Variants in SCTR observed in about 807,000 individuals in gnomAD.
SCTR encodes pancreatic secretin receptor.
Under a neutral mutation model 60.8 loss-of-function variants are expected in SCTR, and 56 were observed. The ratio of observed to expected loss-of-function variants is 0.92; its 90% CI spans 0.74 to 1.15. SCTR has a LOEUF of 1.15. SCTR is among the 50% of genes most tolerant of loss of function. The probability of loss-of-function intolerance (pLI) is 0.00; values close to 1 mark genes in which losing one functional copy is unlikely to be tolerated. For missense variants in SCTR, 562 were observed against 550.4 expected, an observed-to-expected ratio of 1.02 and a Z score of -0.21; for synonymous variants, 202 against 217.0, an observed-to-expected ratio of 0.93 and a Z score of 0.61.
chr2:119,468,399 C>A (rs1306544290), intron 4 of SCTR, among the ~76,000 whole-genome samples: 1 of 152,170 alleles, frequency 6.6e-6, no homozygotes, highest in Non-Finnish European at 1.5e-5. Context: ...GGGTTCCAAA[C>A]CCGGACTGTG....
In SCTR at chr2:119,478,794, A is replaced by C. The variant is rs1159671233; in HGVS notation, c.301+17T>G. Reference sequence around the variant, plus strand: ...CCCCTCAGCCTGTCCGCCAGGCCCCATGGGCCGAGTGGTTACCATTTCTGC... The same window carrying C: ...CCCCTCAGCCTGTCCGCCAGGCCCCCTGGGCCGAGTGGTTACCATTTCTGC... On this transcript the variant is annotated intron_variant, in intron 3 of 12. Coordinates refer to ENST00000019103, the MANE Select transcript of SCTR (RefSeq NM_002980.3). 1.9e-6 allele frequency: 3 copies of C among 1,613,536 alleles called. No individual in the cohort carries two copies.
chr2:119,486,767 T>A (rs902935344), intron 2 of SCTR: 15 of 152,112 alleles, frequency 9.9e-5, no homozygotes, highest in African/African-American at 3.6e-4. Flanking sequence ...AACTAAAAAT[T>A]TAAATTGCCT....
chr2:119,501,206 C>T (rs577044838), intron 1 of SCTR, among the ~76,000 whole-genome samples: 12 of 152,132 alleles, frequency 7.9e-5, no homozygotes, highest in South Asian at 2.1e-4. Flanking sequence ...GTCAGGAGAT[C>T]GAGACCATCC....
chr2:119,524,042 C>A (rs924210695), intron 1 of SCTR, 113 bp downstream of exon 1: 7 of 780,666 alleles, frequency 9.0e-6, no homozygotes, highest in Middle Eastern at 2.2e-4. Context: ...AGTCCCTATT[C>A]CTCATGGGAA....
At chr2:119,506,386 A>G (rs1678739808) in intron 1 of SCTR, among the ~76,000 whole-genome samples, 1 of 152,242 alleles carries the variant, frequency 6.6e-6, no homozygotes, top group African/African-American at 2.4e-5. Flanking sequence ...AAATATGCTG[A>G]ATGAAAAGAA....
At position 119,451,868 on chromosome 2, in the gene SCTR, G is replaced by A. The variant is rs72833270; in HGVS notation, c.921+142C>T. The A allele has an allele frequency of 9.8e-3, 6,202 of 630,602 alleles. 49 individuals are homozygous for A. Among genetic ancestry groups the A allele is most frequent in the Non-Finnish European group, 0.014 (4,680 of 340,838 alleles). 39.1% of individuals were successfully genotyped at this position (630,602 alleles called of 1,614,324 possible). A position where few individuals can be genotyped will look rare whatever the true frequency, so the allele number is the denominator to read the frequency against. ...GGGCAGAGCTTCCACACCCCACGCT[G>A]CTCACCAACCTCACAAACACTGTGG... On this transcript the variant is annotated intron_variant, in intron 9 of 12. Coordinates refer to ENST00000019103, the MANE Select transcript of SCTR (RefSeq NM_002980.3).
intron 2 of SCTR, among the ~76,000 whole-genome samples, chr2:119,488,884 C>G (rs1678003173): frequency 6.6e-6 from 1 of 152,184 alleles, no homozygotes; most frequent in Non-Finnish European, 1.5e-5. Flanking sequence ...CCCAAGAGCC[C>G]CATAAAGGAA....
chr2:119,487,057 T>C (rs952745068), intron 2 of SCTR: 1 of 152,046 alleles, frequency 6.6e-6, no homozygotes, highest in African/African-American at 2.4e-5. Context: ...ACACAAAAGG[T>C]CACATAGCAA....
chr2:119,485,286 T>C (rs979468980), intron 2 of SCTR, among the ~76,000 whole-genome samples: 4 of 152,184 alleles, frequency 2.6e-5, no homozygotes, highest in Admixed American at 2.6e-4. Flanking sequence ...TCCTGGTCTT[T>C]ATATTTGTGG....
intron 9 of SCTR, among the ~76,000 whole-genome samples, chr2:119,451,343 C>T (rs772702960): frequency 2.0e-5 from 3 of 152,182 alleles, no homozygotes; most frequent in Non-Finnish European, 4.4e-5. Context: ...GGACTCTACC[C>T]TGGCACAGAG....
intron 1 of SCTR, among the ~76,000 whole-genome samples, chr2:119,508,599 G>A (rs1678834750): frequency 2.6e-5 from 4 of 151,610 alleles, no homozygotes; most frequent in Admixed American, 2.6e-4. Context: ...TGTTGCTCAG[G>A]CTGGTTTTGA....
intron 7 of SCTR, 75 bp from the exon 8 acceptor site, chr2:119,453,422 T>C (rs1683251053): frequency 4.2e-6 from 5 of 1,179,700 alleles, no homozygotes; most frequent in South Asian, 1.2e-5. Context: ...AACAGGACAA[T>C]TGGTTACCCC....
Position 119,445,958 on chromosome 2 carries a change from G to A in SCTR, c.1140+801C>T, listed in dbSNP as rs78906159. 5.1e-4 allele frequency among the ~76,000 whole-genome samples: 78 copies of A among 152,212 alleles called. 1 individual carries two copies. The East Asian group carries it at 0.012, about 24-fold the overall frequency. On this transcript the variant is annotated intron_variant, in intron 11 of 12. Transcript: ENST00000019103. ...TCCTTTGTATGTTTTTCCCAAAAGC[G>A]ACATTGCATTATTTTTGGAAGGAAA... is the stretch of plus-strand genomic sequence containing the variant.
At position 119,461,944 on chromosome 2, in the gene SCTR, G is replaced by C. The variant is rs148548984; in HGVS notation, c.693C>G (p.Ser231=). ...LFQYCIMANY[S]WLLVEGLYLH... ...GGTAGAGGCCTTCCACCAGCAGCCA[G>C]GAGTAGTTGGCCATGATGCAGTACT... Residue 231 remains serine (S), a synonymous_variant, in exon 7 of 13, where the codon TCC becomes TCG. Transcript: ENST00000019103. The C allele has an allele frequency of 5.0e-6, 8 of 1,613,922 alleles. 1 individual carries two copies. In the Admixed American group the frequency reaches 5.0e-5, roughly 10 times the overall value.
At chr2:119,490,387 G>T (rs7573257) in intron 2 of SCTR, among the ~76,000 whole-genome samples, 3,586 of 152,288 alleles carry the variant, frequency 0.024, 131 homozygotes, top group African/African-American at 0.077. Context: ...GGCCGGGAGT[G>T]CTCCAGGCTG....
At chr2:119,479,071 C>T (rs576270219) in intron 2 of SCTR, 153 bp from the exon 3 acceptor site, 18 of 1,464,994 alleles carry the variant, frequency 1.2e-5, no homozygotes, top group Non-Finnish European at 1.6e-5. Context: ...GGATCAGGAA[C>T]CTATCCTGTC....
chr2:119,458,202 C>T (rs536253482), intron 7 of SCTR, among the ~76,000 whole-genome samples: 66 of 151,228 alleles, frequency 4.4e-4, no homozygotes, highest in Non-Finnish European at 6.3e-4. Flanking sequence ...GCCACTCAGG[C>T]GGCTGAGGCA....
chr2:119,515,636 T>G (rs982025245), intron 1 of SCTR, among the ~76,000 whole-genome samples: 3 of 152,162 alleles, frequency 2.0e-5, no homozygotes, highest in Non-Finnish European at 4.4e-5. Context: ...AACATCAGAA[T>G]CCCAGGTTCT....
At chr2:119,468,102 T>C (rs1012596589) in intron 4 of SCTR, among the ~76,000 whole-genome samples, 1 of 152,172 alleles carries the variant, frequency 6.6e-6, no homozygotes, top group Non-Finnish European at 1.5e-5. Context: ...TAAAGAGATA[T>C]GGCTGATGTT....
Sources: allele counts gnomAD v4.1 joint callset (sites outside exome capture counted in the v4.1 genomes callset), GRCh38; gene constraint gnomAD v4.1.1; transcripts MANE v1.5; gene names NCBI Gene and HGNC (gene_info 2026-07-23, HGNC 2026-07-21).